Variants in SSR1 observed in about 807,000 individuals in gnomAD.
The protein encoded by SSR1 is translocon-associated protein subunit alpha.
A neutral mutation model predicts 36.1 loss-of-function variants in SSR1; 13 were observed. That is an observed-to-expected ratio of 0.36 (90% CI 0.23 to 0.57). SSR1 has a LOEUF of 0.57. Ranked by LOEUF, SSR1 falls within the 20% of genes least tolerant of loss-of-function variation. The pLI, the probability that SSR1 is intolerant of heterozygous loss-of-function variation, is 0.81. For missense variants in SSR1, 291 were observed against 338.5 expected, an observed-to-expected ratio of 0.86 and a Z score of 1.10; for synonymous variants, 113 against 118.9, an observed-to-expected ratio of 0.95 and a Z score of 0.32.
At chr6:7,299,158 G>A (rs1045628211) in intron 4 of SSR1, among the ~76,000 whole-genome samples, 1 of 152,180 alleles carries the variant, frequency 6.6e-6, no homozygotes, top group Non-Finnish European at 1.5e-5. Context: ...AAAAGTCACC[G>A]ACTTTGCCAA....
chr6:7,291,953 G>A (rs1757692441), intron 7 of SSR1, among the ~76,000 whole-genome samples: 1 of 152,100 alleles, frequency 6.6e-6, no homozygotes, highest in African/African-American at 2.4e-5. Flanking sequence ...TGCGTCTGTA[G>A]TCCCAGTTAT....
Position 7,290,551 on chromosome 6 carries a change from AT to A in SSR1, c.794-621del, listed in dbSNP as rs1757659390. ...TGGATGTATGTACCTTCCCTCTATT[AT>A]TGTCTTGTCTTACTTTCTGGGGGGT... On this transcript the variant is annotated intron_variant, in intron 7 of 7. Coordinates refer to ENST00000244763, the MANE Select transcript of SSR1 (RefSeq NM_003144.5). Among the ~76,000 whole-genome samples the A allele has an allele frequency of 4.6e-5, 7 of 152,158 alleles. 1 individual carries two copies. In the South Asian group the frequency reaches 1.5e-3, roughly 32 times the overall value.
chr6:7,308,531 A>C (rs563476881), intron 2 of SSR1, among the ~76,000 whole-genome samples: 3 of 152,350 alleles, frequency 2.0e-5, no homozygotes, highest in African/African-American at 7.2e-5. Flanking sequence ...GATGGATTAT[A>C]GTCGTTCCAG....
At chr6:7,298,470 G>C (rs558617577) in intron 5 of SSR1, 1 of 395,682 alleles carries the variant, frequency 2.5e-6, no homozygotes, top group South Asian at 4.9e-5. Context: ...CTGGTGAACA[G>C]TTTATAAGCA....
rs766581894 is a variant in SSR1 at position 7,310,040 on chromosome 6, AATACAG to A, written c.80-17_80-12del. The A allele has an allele frequency of 3.7e-6, 6 of 1,602,570 alleles. No homozygotes were observed. Among genetic ancestry groups the A allele is most frequent in the Non-Finnish European group, 4.3e-6 (5 of 1,170,266 alleles). ...CCACTGCTAACAAGCCTAATGATAA[AATACAG>A]AAAAAGCAGTTACCCTTTACTCTGA... On this transcript the variant is annotated splice_polypyrimidine_tract_variant and intron_variant, in intron 1 of 7. Coordinates refer to ENST00000244763, the MANE Select transcript of SSR1 (RefSeq NM_003144.5).
chr6:7,312,903 C>G, intron 1 of SSR1, 139 bp downstream of exon 1: 1 of 841,796 alleles, frequency 1.2e-6, no homozygotes, highest in Non-Finnish European at 1.9e-6. Context: ...CGAGCCTAGG[C>G]TTGGGGAGAG....
rs1355077899 is a variant in SSR1 at position 7,289,722 on chromosome 6, C to G, written c.*142G>C. 3.0e-6 allele frequency: 2 copies of G among 677,052 alleles called. No homozygotes were observed. The highest frequency in any genetic ancestry group is 2.1e-5 in the African/African-American group (1 of 47,798). The allele number at this position is 677,052 out of a possible 1,614,324, so 41.9% of individuals were successfully genotyped here. A position where few individuals can be genotyped will look rare whatever the true frequency, so the allele number is the denominator to read the frequency against. ...TGCAGTGCATTTTCAGCAATATTAT[C>G]GCCACAGACTCTGATTGCTCAGTCC... is the stretch of plus-strand genomic sequence containing the variant. On this transcript the variant is annotated 3_prime_UTR_variant, in exon 8 of 8. Transcript: ENST00000244763.
intron 7 of SSR1, 85 bp downstream of exon 7, chr6:7,295,307 A>G (rs1757768350): frequency 1.3e-5 from 16 of 1,270,212 alleles, no homozygotes; most frequent in Non-Finnish European, 1.7e-5. Context: ...TAGTACTGAA[A>G]AAGTTTTTTT....
Position 7,289,699 on chromosome 6 carries a change from C to T in SSR1, c.*165G>A. The T allele has an allele frequency of 1.6e-6, 1 of 637,302 alleles. No individual in the cohort carries two copies. 39.5% of individuals were successfully genotyped at this position (637,302 alleles called of 1,614,324 possible). A position where few individuals can be genotyped will look rare whatever the true frequency, so the allele number is the denominator to read the frequency against. On this transcript the variant is annotated 3_prime_UTR_variant, in exon 8 of 8. Transcript: ENST00000244763. ...ATTTGTTACTTTAGAAAAATGAATG[C>T]AGTGCATTTTCAGCAATATTATCGC...
At chr6:7,299,689 CA>C (rs752427852) in intron 4 of SSR1, among the ~76,000 whole-genome samples, 2,534 of 113,078 alleles carry the variant, frequency 0.022, 21 homozygotes, top group Admixed American at 0.025. Context: ...ACTCCCACCT[CA>C]AAAAAAAAAA....
Position 7,281,265 on chromosome 6 carries a change from TTTCCATCTTGGCTTTACCACACTTACAAA to T in SSR1, c.*8570_*8598del. 1 of 152,308 alleles carries T rather than the reference TTTCCATCTTGGCTTTACCACACTTACAAA, an allele frequency of 6.6e-6. No individual in the cohort carries two copies. The allele number at this position is 152,308 out of a possible 1,614,324, so 9.4% of individuals were successfully genotyped here. A position where few individuals can be genotyped will look rare whatever the true frequency, so the allele number is the denominator to read the frequency against. ...AACAACCAAGAAAGCAAAGTGCTCG[TTTCCATCTTGGCTTTACCACACTTACAAA>T]CTGATACCCAAATAACAGAAATGTT... On this transcript the variant is annotated 3_prime_UTR_variant, in exon 8 of 8. Coordinates refer to ENST00000244763, the MANE Select transcript of SSR1 (RefSeq NM_003144.5).
At position 7,310,173 on chromosome 6, in the gene SSR1, C is replaced by T. The variant is rs190715078; in HGVS notation, c.80-144G>A. The T allele has an allele frequency of 9.2e-4, 556 of 603,074 alleles. 2 individuals are homozygous for T. The highest frequency in any genetic ancestry group is 1.9e-4 in the Non-Finnish European group (64 of 341,440). 37.4% of individuals were successfully genotyped at this position (603,074 alleles called of 1,614,324 possible). ...CTGAATGATGCCAATTACAATGCAC[C>T]GAAGAATATTTATATTTTAGTTTAC... On this transcript the variant is annotated intron_variant, in intron 1 of 7. Transcript: ENST00000244763.
chr6:7,309,643 C>T (rs557144063), intron 2 of SSR1, among the ~76,000 whole-genome samples: 2 of 152,328 alleles, frequency 1.3e-5, no homozygotes, highest in African/African-American at 4.8e-5. Flanking sequence ...AAAGTGAGTT[C>T]TCACAAGATC....
intron 7 of SSR1, chr6:7,294,978 A>T: frequency 1.1e-6 from 1 of 941,174 alleles, no homozygotes; most frequent in Non-Finnish European, 1.5e-6. Flanking sequence ...AATAAAATGT[A>T]GTAAGAAAAA....
intron 6 of SSR1, chr6:7,297,237 G>C (rs201533692): frequency 2.1e-5 from 2 of 93,854 alleles, no homozygotes; most frequent in Admixed American, 1.0e-4. Flanking sequence ...AAAAAAAAAA[G>C]AATATTAAAG....
intron 1 of SSR1, 133 bp downstream of exon 1, chr6:7,312,909 G>A (rs1391505024): frequency 6.9e-6 from 6 of 868,292 alleles, no homozygotes; most frequent in African/African-American, 1.7e-5. Context: ...TAGGCTTGGG[G>A]AGAGGGCGGA....
At chr6:7,294,057 C>G (rs1757738379) in intron 7 of SSR1, among the ~76,000 whole-genome samples, 1 of 152,060 alleles carries the variant, frequency 6.6e-6, no homozygotes, top group African/African-American at 2.4e-5. Context: ...GACCTAGTTA[C>G]TCTACCTTTA....
intron 2 of SSR1, among the ~76,000 whole-genome samples, chr6:7,305,643 G>A (rs1758037699): frequency 6.6e-6 from 1 of 152,226 alleles, no homozygotes; most frequent in African/African-American, 2.4e-5. Flanking sequence ...CGCAGGAAGA[G>A]ATGAACACAG....
chr6:7,306,732 T>A (rs370649814), intron 2 of SSR1, among the ~76,000 whole-genome samples: 3 of 151,334 alleles, frequency 2.0e-5, no homozygotes, highest in South Asian at 2.1e-4. Flanking sequence ...CTGGCTAACA[T>A]GGTGAAACCC....
Sources: allele counts gnomAD v4.1 joint callset (sites outside exome capture counted in the v4.1 genomes callset), GRCh38; gene constraint gnomAD v4.1.1; transcripts MANE v1.5; gene names NCBI Gene and HGNC (gene_info 2026-07-23, HGNC 2026-07-21).